The following HEATR4 variants were observed in gnomAD, a reference collection of about 807,000 sequenced individuals.
HEATR4 encodes the protein HEAT repeat-containing protein 4.
In HEATR4, 95 loss-of-function variants were observed where a neutral mutation model predicts 108.8. The ratio of observed to expected loss-of-function variants is 0.87; its 90% confidence interval spans 0.74 to 1.04. The LOEUF is 1.04. Among genes scored for constraint, HEATR4 ranks in the 50% least tolerant of loss-of-function variants. HEATR4 has a pLI of 0.00. For synonymous variants in HEATR4, 443 were observed against 459.4 expected, an observed-to-expected ratio of 0.96 and a Z score of 0.46; for missense variants, 1,152 against 1,253.8, an observed-to-expected ratio of 0.92 and a Z score of 1.23.
chr14:73,491,995 C>G, intron 17 of HEATR4: 1 of 1,613,982 alleles, frequency 6.2e-7, no homozygotes, highest in African/African-American at 1.3e-5. Context: ...CAGGCTCCAA[C>G]GTTTACCTCA....
intron 1 of HEATR4, chr14:73,537,972 T>C: frequency 1.0e-6 from 1 of 1,004,158 alleles, no homozygotes; most frequent in Non-Finnish European, 1.3e-6. Flanking sequence ...CCCGCCCCGC[T>C]CTTTTCGCTT....
At position 73,549,258 on chromosome 14, in the gene HEATR4, A is replaced by ATG. The variant is rs200402383; in HGVS notation, c.-152+9491_-152+9492dup. 8.0e-5 allele frequency among the ~76,000 whole-genome samples: 9 copies of ATG among 111,998 alleles called. 2 individuals are homozygous for ATG. The highest frequency in any genetic ancestry group is 3.0e-4 in the Admixed American group (3 of 9,856). The allele number at this position is 111,998 out of a possible 152,430, so 73.5% of individuals were successfully genotyped here. On this transcript the variant is annotated intron_variant, in intron 1 of 17. Transcript: ENST00000553558. ...ACAGTCACTTCCCAAATGCCTCGTGATGTGTGTGTGTGTCTGTGTGTGTGT... is the reference window on the plus strand; with the variant it reads ...ACAGTCACTTCCCAAATGCCTCGTGATGTGTGTGTGTGTGTCTGTGTGTGTGT...
intron 1 of HEATR4, among the ~76,000 whole-genome samples, chr14:73,549,895 G>A (rs1889294908): frequency 1.4e-5 from 1 of 71,176 alleles, no homozygotes; most frequent in Non-Finnish European, 3.0e-5. Flanking sequence ...CTCCTTCCCA[G>A]CCCCTCAGAA....
chr14:73,482,890 C>T (rs902573822), intron 17 of HEATR4, among the ~76,000 whole-genome samples: 3 of 152,258 alleles, frequency 2.0e-5, no homozygotes, highest in African/African-American at 7.2e-5. Context: ...GAACTCCTGG[C>T]CCTCAGGTGA....
the HEATR4 span, chr14:73,616,829 A>G: frequency 3.7e-6 from 2 of 546,744 alleles, no homozygotes; most frequent in East Asian, 2.9e-5. Context: ...CCCAATATGT[A>G]GTTTTTTATC....
chr14:73,598,887 T>C, the HEATR4 span, among the ~76,000 whole-genome samples: 2 of 151,664 alleles, frequency 1.3e-5, no homozygotes, highest in Admixed American at 1.3e-4. Context: ...GCCTGTAATC[T>C]CAGCTACTCA....
rs1373075621 is a variant in HEATR4 at position 73,531,560 on chromosome 14, C to T, written c.-151-1316G>A. Among the ~76,000 whole-genome samples the T allele has an allele frequency of 3.7e-5, 4 of 107,920 alleles. 1 individual carries two copies. Among genetic ancestry groups the T allele is most frequent in the African/African-American group, 1.2e-4 (4 of 33,442 alleles). The allele number at this position is 107,920 out of a possible 152,430, so 70.8% of individuals were successfully genotyped here. A position where few individuals can be genotyped will look rare whatever the true frequency, so the allele number is the denominator to read the frequency against. ...CTCAGCCTCCCATTACAGGCCACAC[C>T]ACCACGCCCCACTAATTGTTGTACT... On this transcript the variant is annotated intron_variant, in intron 1 of 17. Transcript: ENST00000553558.
At chr14:73,541,032 A>G (rs61681023) in intron 1 of HEATR4, among the ~76,000 whole-genome samples, 7,442 of 87,394 alleles carry the variant, frequency 0.085, 1,909 homozygotes, top group African/African-American at 0.26. Context: ...GTGAGCCACC[A>G]GACCCAGCCT....
At chr14:73,595,858 A>G in the HEATR4 span, 2 of 487,814 alleles carry the variant, frequency 4.1e-6, no homozygotes, top group Non-Finnish European at 6.6e-6. Flanking sequence ...GGCATATGAC[A>G]CATATAAGTG....
the HEATR4 span, among the ~76,000 whole-genome samples, chr14:73,587,357 CTTT>C: frequency 7.5e-5 from 11 of 147,494 alleles, no homozygotes; most frequent in Non-Finnish European, 1.5e-4. Flanking sequence ...GCAACATCCA[CTTT>C]TTTTTTTTTT....
At chr14:73,491,403 C>T (rs1249869612) in intron 17 of HEATR4, 1 of 1,346,696 alleles carries the variant, frequency 7.4e-7, no homozygotes, top group Non-Finnish European at 9.5e-7. Flanking sequence ...TCCGCGCCGC[C>T]CGCGCGCCTG....
chr14:73,629,837 C>T, the HEATR4 span, among the ~76,000 whole-genome samples: 10 of 151,708 alleles, frequency 6.6e-5, no homozygotes, highest in South Asian at 2.1e-4. Flanking sequence ...TTAGTAGAGA[C>T]GGGGTTTCAC....
chr14:73,553,015 G>A lies in HEATR4; in HGVS notation c.-152+5736C>T, dbSNP rs1183355931. Among the ~76,000 whole-genome samples the A allele has an allele frequency of 2.6e-5, 3 of 114,628 alleles. 1 individual carries two copies. Among genetic ancestry groups the A allele is most frequent in the Non-Finnish European group, 3.9e-5 (2 of 51,938 alleles). 75.2% of individuals were successfully genotyped at this position (114,628 alleles called of 152,430 possible). On this transcript the variant is annotated intron_variant, in intron 1 of 17. Transcript: ENST00000553558. ...CTGACTCCCACTGTTCCTGGCTCACGGCCTGGCCACCTTGTCTCGCTCATC... is the reference window on the plus strand; with the variant it reads ...CTGACTCCCACTGTTCCTGGCTCACAGCCTGGCCACCTTGTCTCGCTCATC...
the HEATR4 span, among the ~76,000 whole-genome samples, chr14:73,589,935 C>T: frequency 0.042 from 6,347 of 152,126 alleles, 155 homozygotes; most frequent in Admixed American, 0.072. Flanking sequence ...TGGAGTTGTT[C>T]GTTCCTCCTG....
At chr14:73,570,026 T>A in the HEATR4 span, 1 of 1,319,010 alleles carries the variant, frequency 7.6e-7, no homozygotes, top group Non-Finnish European at 1.0e-6. Flanking sequence ...ATTCCTGGTC[T>A]CCAGCTATCT....
At chr14:73,586,636 G>A in the HEATR4 span, among the ~76,000 whole-genome samples, 8 of 151,730 alleles carry the variant, frequency 5.3e-5, no homozygotes, top group African/African-American at 1.5e-4. Context: ...AACCCAGGAG[G>A]TGGAGGTTGC....
chr14:73,617,204 T>C, the HEATR4 span: 1 of 1,614,132 alleles, frequency 6.2e-7, no homozygotes. Context: ...TGCGTTCTGG[T>C]GATCACCTGA....
the HEATR4 span, among the ~76,000 whole-genome samples, chr14:73,612,322 G>A: frequency 6.6e-6 from 1 of 152,214 alleles, no homozygotes; most frequent in African/African-American, 2.4e-5. Flanking sequence ...GATCACAGGC[G>A]TGATCCACCG....
the HEATR4 span, among the ~76,000 whole-genome samples, chr14:73,618,746 C>T: frequency 6.6e-6 from 1 of 152,100 alleles, no homozygotes; most frequent in African/African-American, 2.4e-5. Flanking sequence ...TAGGGGATGA[C>T]CCATTACTAG....
Sources: gnomAD v4.1 joint callset for allele counts (sites outside exome capture counted in the v4.1 genomes callset) on GRCh38, gnomAD v4.1.1 for gene constraint, MANE v1.5 for transcripts, NCBI Gene and HGNC (gene_info 2026-07-23, HGNC 2026-07-21) for gene names.